Variants in CEP85L observed in about 807,000 individuals in gnomAD.
CEP85L encodes the protein centrosomal protein 85L.
In CEP85L, 60 loss-of-function variants were observed where a neutral mutation model predicts 100.3. That is an observed-to-expected ratio of 0.60 (90% CI 0.49 to 0.74). The LOEUF (loss-of-function observed/expected upper bound fraction) is 0.74, where lower values mean the gene tolerates loss of function less well. CEP85L is among the 30% of genes least tolerant of loss of function. The pLI, the probability that CEP85L is intolerant of heterozygous loss-of-function variation, is 0.00. For synonymous variants in CEP85L, 319 were observed against 322.7 expected, an observed-to-expected ratio of 0.99 and a Z score of 0.12; for missense variants, 973 against 936.2, an observed-to-expected ratio of 1.04 and a Z score of -0.51.
At chr6:118,596,170 G>A (rs951467123) in intron 2 of CEP85L, among the ~76,000 whole-genome samples, 1 of 151,958 alleles carries the variant, frequency 6.6e-6, no homozygotes, top group Non-Finnish European at 1.5e-5. Flanking sequence ...GTTAATGGAT[G>A]ACCCCAAAAA....
chr6:118,617,714 C>A (rs910843351), intron 2 of CEP85L, among the ~76,000 whole-genome samples: 3 of 152,284 alleles, frequency 2.0e-5, no homozygotes, highest in Middle Eastern at 3.4e-3. Flanking sequence ...CATTCTCTCT[C>A]TTGGTCCAAG....
At chr6:118,708,794 C>A (rs1046282210) in intron 1 of CEP85L, among the ~76,000 whole-genome samples, 3 of 152,126 alleles carry the variant, frequency 2.0e-5, no homozygotes, top group African/African-American at 7.2e-5. Flanking sequence ...CTTTTCCCTA[C>A]CATTTTTCAG....
upstream of CEP85L, chr6:118,651,811 C>G: frequency 2.0e-6 from 2 of 985,780 alleles, no homozygotes; most frequent in Non-Finnish European, 2.4e-6. Context: ...ATCCTCCCGC[C>G]CTGCGAGTTG....
chr6:118,703,834 A>T (rs1024062007), intron 1 of CEP85L, among the ~76,000 whole-genome samples: 2 of 152,228 alleles, frequency 1.3e-5, no homozygotes, highest in African/African-American at 2.4e-5. Context: ...TTAAAATTTT[A>T]AAAATATATT....
chr6:118,563,139 T>A (rs1017630344), intron 3 of CEP85L, among the ~76,000 whole-genome samples: 9 of 152,206 alleles, frequency 5.9e-5, no homozygotes, highest in African/African-American at 2.2e-4. Context: ...GCATTACACA[T>A]GGAGCCTTCT....
chr6:118,557,880 C>G (rs1364742553), intron 3 of CEP85L, among the ~76,000 whole-genome samples: 1 of 152,004 alleles, frequency 6.6e-6, no homozygotes, highest in African/African-American at 2.4e-5. Context: ...TTTCATTTCT[C>G]AAACATGATT....
chr6:118,614,158 T>G (rs956751678), intron 2 of CEP85L, among the ~76,000 whole-genome samples: 1 of 152,092 alleles, frequency 6.6e-6, no homozygotes, highest in Non-Finnish European at 1.5e-5. Context: ...GGAAAAAAAA[T>G]TGACAACATC....
chr6:118,561,607 CA>C (rs1779227946), intron 3 of CEP85L, among the ~76,000 whole-genome samples: 1 of 152,014 alleles, frequency 6.6e-6, no homozygotes, highest in South Asian at 2.1e-4. Flanking sequence ...GCACTAAAAA[CA>C]ATTTTAAAAT....
intron 3 of CEP85L, chr6:118,538,021 CT>C: frequency 1.6e-6 from 1 of 635,516 alleles, no homozygotes; most frequent in Non-Finnish European, 2.0e-6. Flanking sequence ...TTTAAAGAAT[CT>C]TTATTCACCA....
intron 2 of CEP85L, among the ~76,000 whole-genome samples, chr6:118,567,205 ATGTATG>A (rs1319521320): frequency 2.6e-5 from 2 of 77,278 alleles, no homozygotes; most frequent in South Asian, 5.9e-4. Context: ...ATGAATATAT[ATGTATG>A]TGTGTGTGTG....
At chr6:118,505,409 C>CGAAAAA (rs1775584815) in intron 5 of CEP85L, among the ~76,000 whole-genome samples, 1 of 71,834 alleles carries the variant, frequency 1.4e-5, no homozygotes, top group Non-Finnish European at 2.8e-5. Context: ...TCACTGTACT[C>CGAAAAA]AAAAAAAAAA....
At chr6:118,691,484 G>C (rs547730017) in intron 1 of CEP85L, among the ~76,000 whole-genome samples, 1 of 148,550 alleles carries the variant, frequency 6.7e-6, no homozygotes, top group South Asian at 2.1e-4. Context: ...AGTGAGCCAA[G>C]ATCGCAGCAT....
At chr6:118,647,459 C>T (rs1186038422) in intron 1 of CEP85L, among the ~76,000 whole-genome samples, 2 of 152,190 alleles carry the variant, frequency 1.3e-5, no homozygotes, top group Non-Finnish European at 2.9e-5. Flanking sequence ...CTCCCGGGTT[C>T]AGGCAATTCT....
intron 1 of CEP85L, among the ~76,000 whole-genome samples, chr6:118,671,554 G>T (rs966749029): frequency 2.0e-5 from 3 of 152,116 alleles, no homozygotes; most frequent in African/African-American, 7.2e-5. Context: ...TAAGGATCTG[G>T]CGTTTCTCTA....
chr6:118,579,440 T>G (rs998980340), intron 2 of CEP85L, among the ~76,000 whole-genome samples: 4 of 152,174 alleles, frequency 2.6e-5, no homozygotes, highest in African/African-American at 9.7e-5. Context: ...CTTTTAAAAT[T>G]TCATTCAACT....
At chr6:118,689,501 T>C (rs1033174890) in intron 1 of CEP85L, among the ~76,000 whole-genome samples, 4 of 152,210 alleles carry the variant, frequency 2.6e-5, no homozygotes, top group African/African-American at 9.6e-5. Context: ...TACTATAGAA[T>C]GTAGCAGGAA....
At chr6:118,494,730 T>C (rs1774810189) in intron 5 of CEP85L, among the ~76,000 whole-genome samples, 1 of 152,202 alleles carries the variant, frequency 6.6e-6, no homozygotes, top group South Asian at 2.1e-4. Flanking sequence ...TAAAGCTCTA[T>C]TTACCACACT....
Position 118,659,375 on chromosome 6 carries a change from C to T in CEP85L, c.-27-6567G>A, listed in dbSNP as rs1442695091. 2.0e-5 allele frequency among the ~76,000 whole-genome samples: 3 copies of T among 151,986 alleles called. No individual in the cohort carries two copies. In the East Asian group the frequency reaches 5.8e-4, roughly 29 times the overall value. ...ACATTATACAAATCTTTATAATAGACTTTATATTAATTAATTAGGTACTTT... is the reference window on the plus strand; with the variant it reads ...ACATTATACAAATCTTTATAATAGATTTTATATTAATTAATTAGGTACTTT... On this transcript the variant is annotated intron_variant, in intron 1 of 13. Transcript: ENST00000368488.
At chr6:118,491,372 T>C (rs925627350) in intron 6 of CEP85L, 8 of 670,238 alleles carry the variant, frequency 1.2e-5, no homozygotes, top group Non-Finnish European at 1.6e-5. Flanking sequence ...CAACCCTTTA[T>C]GCCCAACATG....
Sources: allele counts gnomAD v4.1 joint callset (sites outside exome capture counted in the v4.1 genomes callset), GRCh38; gene constraint gnomAD v4.1.1; transcripts MANE v1.5; gene names NCBI Gene and HGNC (gene_info 2026-07-23, HGNC 2026-07-21).